The following SLC35E2B variants were observed in gnomAD, a reference collection of about 807,000 sequenced individuals.
The protein encoded by SLC35E2B is solute carrier family 35 member E2B.
Under a neutral mutation model 32.4 loss-of-function variants are expected in SLC35E2B, and 18 were observed. The observed-to-expected ratio is 0.56, with a 90% CI of 0.38 to 0.82. The LOEUF is 0.82. Among genes scored for constraint, SLC35E2B ranks in the 40% least tolerant of loss-of-function variants. The probability of loss-of-function intolerance (pLI) is 0.00; values close to 1 mark genes in which losing one functional copy is unlikely to be tolerated. For synonymous variants in SLC35E2B, 132 were observed against 209.1 expected (o/e 0.63, Z 3.18); for missense variants, 263 against 469.5 (o/e 0.56, Z 4.06).
At chr1:1,688,561 T>G (rs1224697559) in intron 2 of SLC35E2B, among the ~76,000 whole-genome samples, 1 of 151,244 alleles carries the variant, frequency 6.6e-6, no homozygotes, top group Admixed American at 6.6e-5. Context: ...GATCGCGCCA[T>G]TGCACTCCAG....
At chr1:1,685,064 G>A (rs1028883546) in intron 2 of SLC35E2B, among the ~76,000 whole-genome samples, 18 of 149,838 alleles carry the variant, frequency 1.2e-4, no homozygotes, top group African/African-American at 3.2e-4. Flanking sequence ...CCAAGATTGC[G>A]CCATTGCACT....
chr1:1,679,776 G>A (rs1256238377), intron 2 of SLC35E2B, among the ~76,000 whole-genome samples: 1 of 148,374 alleles, frequency 6.7e-6, no homozygotes, highest in East Asian at 2.0e-4. Context: ...AGCTTGCAGT[G>A]AGCTGAGATC....
chr1:1,689,045 G>A (rs1035611226), intron 2 of SLC35E2B, among the ~76,000 whole-genome samples: 10 of 152,052 alleles, frequency 6.6e-5, no homozygotes, highest in Admixed American at 3.3e-4. Flanking sequence ...GGTGGTGGGT[G>A]CCAGTAGTCC....
At position 1,663,537 on chromosome 1, in the gene SLC35E2B, C is replaced by A; in HGVS notation, c.*2245G>T. 1.8e-6 allele frequency: 1 copy of A among 544,138 alleles called. No individual in the cohort carries two copies. The allele number at this position is 544,138 out of a possible 1,614,324, so 33.7% of individuals were successfully genotyped here. ...CCAGGCTGGAGTGCAATGGCACGAT[C>A]TTGGCTCACTGCAACCTCCATCTCC... On this transcript the variant is annotated 3_prime_UTR_variant, in exon 10 of 10. Transcript: ENST00000617444.
intron 2 of SLC35E2B, among the ~76,000 whole-genome samples, chr1:1,678,713 C>G (rs916556437): frequency 2.6e-5 from 4 of 152,154 alleles, no homozygotes; most frequent in Admixed American, 1.3e-4. Flanking sequence ...CACAAAGACA[C>G]CATTCCCTTC....
chr1:1,671,523 G>C lies in SLC35E2B; in HGVS notation c.693C>G (p.Thr231=). 1.9e-6 allele frequency: 3 copies of C among 1,541,962 alleles called. No homozygotes were observed. The highest frequency in any genetic ancestry group is 2.6e-6 in the Non-Finnish European group (3 of 1,142,344). ...NVLGFSAALS[T]NIMDCLQNVF... is the part of the protein sequence containing the mutation. ...CTGTGACTCACCAGTCCATGATGTTGGTGGACAGTGCGGCCGAGAACCCCA... is the reference window on the plus strand; with the variant it reads ...CTGTGACTCACCAGTCCATGATGTTCGTGGACAGTGCGGCCGAGAACCCCA... Residue 231 remains threonine, a synonymous_variant, in exon 6 of 10, where the codon ACC becomes ACG. Coordinates refer to ENST00000617444, the MANE Select transcript of SLC35E2B (RefSeq NM_001290264.2).
chr1:1,683,176 G>C lies in SLC35E2B; in HGVS notation c.-147-6330C>G, dbSNP rs570655497. On this transcript the variant is annotated intron_variant, in intron 2 of 9. Transcript: ENST00000617444. ...CACAACACTTCCCACAGGAGATGCA[G>C]GTTATTTCCACGTTGAGCAATTCTC... Among the ~76,000 whole-genome samples the C allele has an allele frequency of 3.9e-5, 6 of 152,300 alleles. No homozygotes were observed. In the South Asian group the frequency reaches 1.2e-3, roughly 32 times the overall value.
Position 1,662,306 on chromosome 1 carries a change from C to CATTCTT in SLC35E2B, c.*3470_*3475dup. 3 of 814,806 alleles carry CATTCTT rather than the reference C, an allele frequency of 3.7e-6. No homozygotes were observed. The highest frequency in any genetic ancestry group is 4.4e-6 in the Non-Finnish European group (3 of 681,340). The allele number at this position is 814,806 out of a possible 1,614,324, so 50.5% of individuals were successfully genotyped here. ...AGAATTCTATTTCCATCTGGAATGT[C>CATTCTT]ATTCTTGTTTACTTCTTCCAACAGT... On this transcript the variant is annotated 3_prime_UTR_variant, in exon 10 of 10. Transcript: ENST00000617444.
chr1:1,667,385 C>G (rs1430328037), intron 9 of SLC35E2B, among the ~76,000 whole-genome samples: 2 of 151,722 alleles, frequency 1.3e-5, no homozygotes, highest in Non-Finnish European at 1.5e-5. Context: ...TGAACTCCAG[C>G]CTGGGTGAAA....
intron 2 of SLC35E2B, among the ~76,000 whole-genome samples, chr1:1,687,894 A>G (rs901125990): frequency 1.4e-4 from 21 of 152,124 alleles, no homozygotes; most frequent in Non-Finnish European, 2.9e-4. Flanking sequence ...CTGTCTAAAA[A>G]ACACAACATA....
At position 1,669,691 on chromosome 1, in the gene SLC35E2B, C is replaced by T. The variant is rs1014115975; in HGVS notation, c.807G>A (p.Met269Ile). 6.5e-7 allele frequency: 1 copy of T among 1,533,556 alleles called. No individual in the cohort carries two copies. Among genetic ancestry groups the T allele is most frequent in the Non-Finnish European group, 8.8e-7 (1 of 1,133,812 alleles). 95.0% of individuals were successfully genotyped at this position (1,533,556 alleles called of 1,614,324 possible). The change falls in exon 8 of 10, where the codon ATG becomes ATA. Residue 269 changes from methionine to isoleucine, a missense_variant. Transcript: ENST00000617444. ...TAAAGAAAACCCGGGCCGGGACGAG[C>T]ATGGCCACCGCAGCGGCGCTGGTGT... ...QFYTSAAAVA[M>I]LVPARVFFTD...
chr1:1,686,328 T>C (rs28649695), intron 2 of SLC35E2B, among the ~76,000 whole-genome samples: 1 of 141,824 alleles, frequency 7.1e-6, no homozygotes, highest in African/African-American at 2.5e-5. Flanking sequence ...TTTCTTTTTT[T>C]TTTTTTTTTT....
rs1643484475 is a variant in SLC35E2B, at chr1:1,664,219, C to T, written c.*1563G>A. ...AAAAGGTTACTTGTGGGTTAAAAAG[C>T]CTCACTTCGGTCCATCATCATGGCA... On this transcript the variant is annotated 3_prime_UTR_variant, in exon 10 of 10. Transcript: ENST00000617444. The T allele has an allele frequency of 1.4e-6, 1 of 733,202 alleles. No homozygotes were observed. The highest frequency in any genetic ancestry group is 6.5e-5 in the Admixed American group (1 of 15,378). 45.4% of individuals were successfully genotyped at this position (733,202 alleles called of 1,614,324 possible). A position where few individuals can be genotyped will look rare whatever the true frequency, so the allele number is the denominator to read the frequency against.
At position 1,665,750 on chromosome 1, in the gene SLC35E2B, C is replaced by G. The variant is rs769010476; in HGVS notation, c.*32G>C. 5.8e-6 allele frequency: 9 copies of G among 1,545,770 alleles called. No homozygotes were observed. In the South Asian group the frequency reaches 1.1e-4, roughly 18 times the overall value. ...CCCATTTCTGGGGGATGCAGTGTCA[C>G]GAGGACAGCAGCAGCTGGCAGCTTC... On this transcript the variant is annotated 3_prime_UTR_variant, in exon 10 of 10. Transcript: ENST00000617444.
At chr1:1,667,367 T>G (rs1368949392) in intron 9 of SLC35E2B, among the ~76,000 whole-genome samples, 1 of 152,064 alleles carries the variant, frequency 6.6e-6, no homozygotes, top group Non-Finnish European at 1.5e-5. Context: ...GAGCCGAGAC[T>G]GCGATACTGA....
intron 2 of SLC35E2B, among the ~76,000 whole-genome samples, chr1:1,684,789 C>CAA (rs1175219653): frequency 0.068 from 1,606 of 23,538 alleles, 318 homozygotes; most frequent in African/African-American, 0.25. Context: ...GACTCCATCT[C>CAA]AAAAAAAAAA....
At chr1:1,678,091 C>T (rs1051410020) in intron 2 of SLC35E2B, among the ~76,000 whole-genome samples, 4 of 152,106 alleles carry the variant, frequency 2.6e-5, no homozygotes, top group East Asian at 1.9e-4. Context: ...CTCACCAAGG[C>T]GCTCTGGGAG....
intron 2 of SLC35E2B, among the ~76,000 whole-genome samples, chr1:1,688,811 C>T (rs1329934891): frequency 2.0e-5 from 3 of 152,054 alleles, no homozygotes; most frequent in Non-Finnish European, 4.4e-5. Context: ...CCTCCCAAGA[C>T]ATGAGGACTT....
intron 2 of SLC35E2B, among the ~76,000 whole-genome samples, chr1:1,690,022 C>G (rs1276996982): frequency 6.7e-6 from 1 of 149,962 alleles, no homozygotes; most frequent in Non-Finnish European, 1.5e-5. Flanking sequence ...TGGCTCACGC[C>G]TGTAATCCCA....
Sources: gnomAD v4.1 joint callset for allele counts (sites outside exome capture counted in the v4.1 genomes callset) on GRCh38, gnomAD v4.1.1 for gene constraint, MANE v1.5 for transcripts, NCBI Gene and HGNC (gene_info 2026-07-23, HGNC 2026-07-21) for gene names.